The following METTL15 variants were observed in gnomAD, a reference collection of about 807,000 sequenced individuals.
METTL15 encodes the protein methyltransferase 15, mitochondrial 12S rRNA N4-cytidine, also known as 12S rRNA N(4)-cytidine methyltransferase METTL15.
A neutral mutation model predicts 38.3 loss-of-function variants in METTL15; 34 were observed. That is an observed-to-expected ratio of 0.89 (90% CI 0.68 to 1.18). The LOEUF (loss-of-function observed/expected upper bound fraction) is 1.18. METTL15 is among the 50% of genes most tolerant of loss of function. METTL15 has a pLI of 0.00. For missense variants in METTL15, 438 were observed against 498.4 expected, an observed-to-expected ratio of 0.88 and a Z score of 1.15; for synonymous variants, 162 against 170.9, an observed-to-expected ratio of 0.95 and a Z score of 0.41.
chr11:28,199,677 A>G (rs186571692), intron 3 of METTL15, among the ~76,000 whole-genome samples: 1 of 151,880 alleles, frequency 6.6e-6, no homozygotes, highest in Admixed American at 6.6e-5. Flanking sequence ...TGGCTCCAAT[A>G]TACTCATCTG....
chr11:28,246,052 G>A (rs544230080), intron 4 of METTL15, among the ~76,000 whole-genome samples: 3 of 152,204 alleles, frequency 2.0e-5, no homozygotes, highest in East Asian at 3.9e-4. Flanking sequence ...TTTCTGGCGA[G>A]GCGGCGATGA....
At chr11:28,531,748 C>T (rs10466441), downstream of METTL15, among the ~76,000 whole-genome samples, 13,968 of 151,960 alleles carry the variant, frequency 0.092, 772 homozygotes, top group South Asian at 0.18. Flanking sequence ...ATAATTGAAA[C>T]GCTTAGCTTC....
At chr11:28,228,773 A>G (rs892323579) in intron 4 of METTL15, among the ~76,000 whole-genome samples, 3 of 151,962 alleles carry the variant, frequency 2.0e-5, no homozygotes, top group Non-Finnish European at 4.4e-5. Flanking sequence ...TATGTCTAAC[A>G]TGTCATATCC....
At chr11:28,466,260 C>T (rs17573971) in intron 6 of METTL15, among the ~76,000 whole-genome samples, 64,319 of 152,018 alleles carry the variant, frequency 0.42, 15,010 homozygotes, top group Admixed American at 0.54. Context: ...GATTGACGAA[C>T]GGCCAAATTG....
intron 5 of METTL15, among the ~76,000 whole-genome samples, chr11:28,389,086 G>A (rs531725913): frequency 2.0e-5 from 3 of 152,124 alleles, no homozygotes; most frequent in East Asian, 1.9e-4. Context: ...TATCGTTGTA[G>A]GATATGTGGG....
intron 6 of METTL15, among the ~76,000 whole-genome samples, chr11:28,456,890 C>G (rs1851173925): frequency 6.6e-6 from 1 of 152,204 alleles, no homozygotes; most frequent in South Asian, 2.1e-4. Context: ...TTCTAACCTG[C>G]AAGACCTGAT....
intron 6 of METTL15, among the ~76,000 whole-genome samples, chr11:28,301,921 T>C (rs1856927481): frequency 6.6e-6 from 1 of 152,042 alleles, no homozygotes; most frequent in Non-Finnish European, 1.5e-5. Flanking sequence ...AAAAAGCTTT[T>C]TTTAAGTGAC....
At chr11:28,119,298 G>A (rs367985102) in intron 3 of METTL15, among the ~76,000 whole-genome samples, 1 of 152,254 alleles carries the variant, frequency 6.6e-6, no homozygotes, top group African/African-American at 2.4e-5. Flanking sequence ...CTAGTGCTTA[G>A]CACAAGGCCT....
At chr11:28,340,325 G>A (rs947889431) in intron 3 of METTL15, among the ~76,000 whole-genome samples, 11 of 152,014 alleles carry the variant, frequency 7.2e-5, no homozygotes, top group Non-Finnish European at 1.2e-4. Flanking sequence ...TACATAGTCC[G>A]ATGTGCCCTC....
At chr11:28,451,620 G>A (rs1354265970) in intron 6 of METTL15, among the ~76,000 whole-genome samples, 1 of 152,098 alleles carries the variant, frequency 6.6e-6, no homozygotes, top group East Asian at 1.9e-4. Context: ...AATGCAGTGT[G>A]TATATTAGTG....
chr11:28,453,395 C>T (rs753315820), intron 6 of METTL15, among the ~76,000 whole-genome samples: 86 of 152,318 alleles, frequency 5.6e-4, no homozygotes, highest in Non-Finnish European at 1.1e-3. Context: ...GAAACAATAG[C>T]TGATACATTT....
chr11:28,406,674 A>C (rs755282976), intron 5 of METTL15, among the ~76,000 whole-genome samples: 42 of 152,200 alleles, frequency 2.8e-4, no homozygotes, highest in South Asian at 1.2e-3. Context: ...AATATGCTTT[A>C]TTTCTTTCTC....
intron 6 of METTL15, among the ~76,000 whole-genome samples, chr11:28,428,278 G>T (rs1850882643): frequency 6.6e-6 from 1 of 152,122 alleles, no homozygotes; most frequent in African/African-American, 2.4e-5. Context: ...ATAACACAAT[G>T]GTAAGTATGT....
rs1382855855 is a variant in METTL15 at position 28,333,095 on chromosome 11, A to C, written c.*2254A>C. ...TCCCTCAGAGTTCCAGTAGTTGCCA[A>C]CCCTGCTAACATGGTTTTGCACATC... On this transcript the variant is annotated 3_prime_UTR_variant, in exon 7 of 7. Coordinates refer to ENST00000407364, the MANE Select transcript of METTL15 (RefSeq NM_001113528.2). 1 of 151,448 alleles carries C rather than the reference A, an allele frequency of 6.6e-6. No homozygotes were observed. Among genetic ancestry groups the C allele is most frequent in the Non-Finnish European group, 1.5e-5 (1 of 67,948 alleles). The allele number at this position is 151,448 out of a possible 1,614,324, so 9.4% of individuals were successfully genotyped here.
rs1284227482 is a variant in METTL15 at position 28,265,536 on chromosome 11, T to A, written c.408-24670T>A. On this transcript the variant is annotated intron_variant, in intron 4 of 6. Transcript: ENST00000407364. ...TACAGTAGTATCTGGATGAGCATCT[T>A]AATGAATATTATTATTTTTATAATT... 2.6e-5 allele frequency among the ~76,000 whole-genome samples: 4 copies of A among 151,962 alleles called. No homozygotes were observed. In the East Asian group the frequency reaches 7.7e-4, roughly 29 times the overall value.
intron 4 of METTL15, among the ~76,000 whole-genome samples, chr11:28,236,852 C>A (rs1854006619): frequency 6.6e-6 from 1 of 152,116 alleles, no homozygotes; most frequent in South Asian, 2.1e-4. Context: ...ATTTCTCCTT[C>A]AATTATGAAG....
intron 6 of METTL15, among the ~76,000 whole-genome samples, chr11:28,507,483 C>A (rs1285815357): frequency 6.6e-6 from 1 of 152,166 alleles, no homozygotes; most frequent in African/African-American, 2.4e-5. Flanking sequence ...GGCAGGGTAA[C>A]AAATCCAAAC....
intron 6 of METTL15, among the ~76,000 whole-genome samples, chr11:28,462,232 G>GA (rs1199465178): frequency 6.6e-6 from 1 of 152,050 alleles, no homozygotes; most frequent in Non-Finnish European, 1.5e-5. Flanking sequence ...TTCCAGAAAT[G>GA]AAGAAAGGGT....
chr11:28,510,287 A>C (rs1851663634), intron 6 of METTL15, among the ~76,000 whole-genome samples: 1 of 152,236 alleles, frequency 6.6e-6, no homozygotes, highest in African/African-American at 2.4e-5. Flanking sequence ...AGATACCATA[A>C]ATCAGAAAGT....
Sources: allele counts gnomAD v4.1 joint callset (sites outside exome capture counted in the v4.1 genomes callset), GRCh38; gene constraint gnomAD v4.1.1; transcripts MANE v1.5; gene names NCBI Gene and HGNC (gene_info 2026-07-23, HGNC 2026-07-21).